HELLS: variants seen among roughly 807,000 people sequenced by gnomAD.
The protein encoded by HELLS is helicase, lymphoid specific, also known as lymphoid-specific helicase.
A neutral mutation model predicts 120.0 loss-of-function variants in HELLS; 32 were observed. The observed-to-expected ratio is 0.27, with a 90% CI of 0.20 to 0.36. HELLS has a LOEUF of 0.36. Ranked by LOEUF, HELLS falls within the 10% of genes least tolerant of loss-of-function variation. The pLI is 1.00. For synonymous variants in HELLS, 341 were observed against 323.4 expected (o/e 1.05, Z -0.58); for missense variants, 650 against 993.4 (o/e 0.65, Z 4.65).
intron 1 of HELLS, 53 bp downstream of exon 1, chr10:94,546,005 G>A: frequency 6.5e-7 from 1 of 1,544,714 alleles, no homozygotes; most frequent in Non-Finnish European, 8.8e-7. Context: ...GGCTGAGGTG[G>A]GCAAGCATGG....
At chr10:94,561,825 G>A (rs749767983) in intron 4 of HELLS, among the ~76,000 whole-genome samples, 2 of 151,780 alleles carry the variant, frequency 1.3e-5, no homozygotes, top group Non-Finnish European at 2.9e-5. Context: ...TTTTCCATTA[G>A]TATTCTCTTT....
At chr10:94,578,147 T>C (rs1844613891) in intron 10 of HELLS, among the ~76,000 whole-genome samples, 1 of 150,924 alleles carries the variant, frequency 6.6e-6, no homozygotes, top group Admixed American at 6.6e-5. Context: ...GGCACAAGGA[T>C]TGCTTAAACC....
At chr10:94,581,632 T>C in intron 11 of HELLS, 110 bp downstream of exon 11, 2 of 721,524 alleles carry the variant, frequency 2.8e-6, no homozygotes, top group South Asian at 3.9e-5. Flanking sequence ...GCAAGTTCTT[T>C]GTGGTGTATA....
At chr10:94,587,219 CT>C (rs1398727687) in intron 12 of HELLS, among the ~76,000 whole-genome samples, 1 of 151,992 alleles carries the variant, frequency 6.6e-6, no homozygotes, top group Non-Finnish European at 1.5e-5. Flanking sequence ...TTTACTGAGT[CT>C]TAAAACCTCA....
intron 4 of HELLS, 144 bp from the exon 5 acceptor site, chr10:94,562,547 A>G (rs1843608681): frequency 3.7e-6 from 2 of 538,398 alleles, no homozygotes; most frequent in Admixed American, 7.0e-5. Context: ...AAAATATTAC[A>G]TGTAGGTAAG....
At chr10:94,602,732 G>A (rs777888561), downstream of HELLS, among the ~76,000 whole-genome samples, 2 of 152,130 alleles carry the variant, frequency 1.3e-5, no homozygotes, top group Non-Finnish European at 2.9e-5. Flanking sequence ...AGGTACAGGT[G>A]GGTTTTGGTT....
chr10:94,552,423 A>G (rs189894400), intron 2 of HELLS, among the ~76,000 whole-genome samples: 3 of 152,340 alleles, frequency 2.0e-5, no homozygotes, highest in East Asian at 1.9e-4. Context: ...TCCATCCTTC[A>G]GACCCCTCAG....
intron 13 of HELLS, 115 bp downstream of exon 13, chr10:94,588,505 A>G: frequency 3.0e-6 from 2 of 667,526 alleles, no homozygotes; most frequent in Non-Finnish European, 4.9e-6. Context: ...GTGCAGTGGC[A>G]CAATCACTGC....
chr10:94,565,171 T>A (rs1424160530), intron 6 of HELLS, among the ~76,000 whole-genome samples: 1 of 152,146 alleles, frequency 6.6e-6, no homozygotes, highest in Admixed American at 6.5e-5. Context: ...ACCCCGTCTC[T>A]ACTAAAAATA....
chr10:94,588,544 A>T (rs1845295106), intron 13 of HELLS, among the ~76,000 whole-genome samples, 154 bp downstream of exon 13: 1 of 151,940 alleles, frequency 6.6e-6, no homozygotes, highest in South Asian at 2.1e-4. Context: ...GCCTGGCTAA[A>T]TTTTTTGTAT....
At chr10:94,608,673 C>G (rs1422679140) in intron 9 of HELLS, among the ~76,000 whole-genome samples, 2 of 151,132 alleles carry the variant, frequency 1.3e-5, no homozygotes, top group Non-Finnish European at 2.9e-5. Flanking sequence ...GTCATCCAGG[C>G]AGTAGCGTGA....
chr10:94,550,471 G>A (rs891559868), intron 2 of HELLS, among the ~76,000 whole-genome samples: 14 of 151,968 alleles, frequency 9.2e-5, no homozygotes, highest in Non-Finnish European at 2.1e-4. Context: ...TAGTAAAGAC[G>A]GGGTTTCAAC....
At chr10:94,548,393 C>T (rs2134266510) in intron 2 of HELLS, among the ~76,000 whole-genome samples, 1 of 152,184 alleles carries the variant, frequency 6.6e-6, no homozygotes, top group East Asian at 1.9e-4. Flanking sequence ...TCAGTTTTAT[C>T]TTGTTTCTTC....
At chr10:94,580,117 GTATA>G (rs58984411) in intron 10 of HELLS, among the ~76,000 whole-genome samples, 3,183 of 64,902 alleles carry the variant, frequency 0.049, 87 homozygotes, top group Non-Finnish European at 0.064. Flanking sequence ...CATTATAAAA[GTATA>G]TATATATATA....
At chr10:94,561,974 G>C (rs747905692) in intron 4 of HELLS, among the ~76,000 whole-genome samples, 2 of 149,982 alleles carry the variant, frequency 1.3e-5, no homozygotes, top group South Asian at 2.1e-4. Context: ...GTAGAGACAG[G>C]GTTTCACCAT....
At position 94,582,899 on chromosome 10, in the gene HELLS, T is replaced by C. The variant is rs41291544; in HGVS notation, c.1230-64T>C. ...TCAGATTATTACTGTAAATGATAAA[T>C]CATGTATCATGTTGACATAATTGAA... is the stretch of plus-strand genomic sequence containing the variant. On this transcript the variant is annotated intron_variant, in intron 11 of 21. Transcript: ENST00000348459. 1.4e-3 allele frequency: 1,167 copies of C among 856,848 alleles called. 5 individuals are homozygous for C. The highest frequency in any genetic ancestry group is 2.0e-3 in the Non-Finnish European group (1,045 of 534,460). 53.1% of individuals were successfully genotyped at this position (856,848 alleles called of 1,614,324 possible).
chr10:94,601,097 A>G (rs993156433), intron 21 of HELLS, among the ~76,000 whole-genome samples: 13 of 152,186 alleles, frequency 8.5e-5, no homozygotes, highest in Admixed American at 7.2e-4. Context: ...AGGAGACTAC[A>G]TATTGTCATT....
Position 94,558,167 on chromosome 10 carries a change from GA to G in HELLS, c.311del (p.Lys104ArgfsTer4). ...EEQKKKEKLE[R>X]KKESLKVKKG... ...CAGAAGAAGAAAGAAAAATTGGAGA[GA>G]AAAAAGGAGTCTTTAAAAGTTAAAA... On this transcript the variant is annotated frameshift_variant, in exon 4 of 22. Coordinates refer to ENST00000348459, the MANE Select transcript of HELLS (RefSeq NM_018063.5). LOFTEE classifies it high-confidence loss of function. 1 of 1,566,466 alleles carries G rather than the reference GA, an allele frequency of 6.4e-7. No homozygotes were observed.
chr10:94,572,785 C>G (rs1284303319), intron 7 of HELLS, among the ~76,000 whole-genome samples: 3 of 152,140 alleles, frequency 2.0e-5, no homozygotes, highest in African/African-American at 4.8e-5. Context: ...TTTATTCTCT[C>G]GCCAGCAATG....
Sources: allele counts gnomAD v4.1 joint callset (sites outside exome capture counted in the v4.1 genomes callset), GRCh38; gene constraint gnomAD v4.1.1; transcripts MANE v1.5; gene names NCBI Gene and HGNC (gene_info 2026-07-23, HGNC 2026-07-21).